The following GPC5 variants were observed in gnomAD, a reference collection of about 807,000 sequenced individuals.
GPC5 encodes glypican 5.
A neutral mutation model predicts 53.9 loss-of-function variants in GPC5; 47 were observed. The observed-to-expected ratio is 0.87, with a 90% CI of 0.69 to 1.11. The LOEUF is 1.11. Ranked by LOEUF, GPC5 falls within the 50% of genes most tolerant of loss-of-function variation. GPC5 has a pLI of 0.00. For missense variants in GPC5, 748 were observed against 713.1 expected, an observed-to-expected ratio of 1.05 and a Z score of -0.56; for synonymous variants, 286 against 263.3, an observed-to-expected ratio of 1.09 and a Z score of -0.84.
At chr13:92,369,519 A>G (rs1438684832) in intron 7 of GPC5, among the ~76,000 whole-genome samples, 1 of 152,198 alleles carries the variant, frequency 6.6e-6, no homozygotes, top group Non-Finnish European at 1.5e-5. Flanking sequence ...TCTCTTTGGT[A>G]TTAAATATAG....
At chr13:91,677,381 C>A (rs2035408224) in intron 2 of GPC5, among the ~76,000 whole-genome samples, 1 of 152,044 alleles carries the variant, frequency 6.6e-6, no homozygotes, top group Admixed American at 6.5e-5. Flanking sequence ...GATTTTAACT[C>A]CAGTTTTATG....
Position 91,562,593 on chromosome 13 carries a change from A to G in GPC5, c.325+113671A>G, listed in dbSNP as rs1231069453. Among the ~76,000 whole-genome samples the G allele has an allele frequency of 2.7e-5, 4 of 149,980 alleles. No homozygotes were observed. The East Asian group carries it at 7.8e-4, about 29-fold the overall frequency. On this transcript the variant is annotated intron_variant, in intron 2 of 7. Transcript: ENST00000377067. ...CTCAGTCTCCTGAGTAGCTGGGATT[A>G]CAGGCATGCGCCATGATGCCTGGCT...
chr13:92,301,189 T>C (rs1051361811), intron 7 of GPC5, among the ~76,000 whole-genome samples: 5 of 152,174 alleles, frequency 3.3e-5, no homozygotes, highest in African/African-American at 1.2e-4. Context: ...AGATATCAAG[T>C]TGGGTATTTA....
intron 6 of GPC5, among the ~76,000 whole-genome samples, chr13:92,113,287 A>C (rs949106139): frequency 1.3e-5 from 2 of 152,134 alleles, no homozygotes; most frequent in African/African-American, 2.4e-5. Context: ...ATCTACCATC[A>C]AGGTTTGCTC....
At chr13:91,880,356 T>C (rs2039250708) in intron 5 of GPC5, among the ~76,000 whole-genome samples, 1 of 152,122 alleles carries the variant, frequency 6.6e-6, no homozygotes, top group Non-Finnish European at 1.5e-5. Context: ...TTTTCCGTAT[T>C]ATGGGCTATT....
intron 5 of GPC5, among the ~76,000 whole-genome samples, chr13:91,901,080 G>A (rs2039493113): frequency 6.6e-6 from 1 of 151,804 alleles, no homozygotes; most frequent in Non-Finnish European, 1.5e-5. Flanking sequence ...TACAAAGCAT[G>A]ATAATATCTT....
chr13:92,660,184 T>C (rs534326420), intron 7 of GPC5, among the ~76,000 whole-genome samples: 111 of 152,310 alleles, frequency 7.3e-4, no homozygotes, highest in Admixed American at 1.3e-3. Context: ...ATTTTACCTA[T>C]AGTACATTTT....
rs143327655 is a variant in GPC5, at chr13:92,692,902, A to T, written c.1562-173380A>T. On this transcript the variant is annotated intron_variant, in intron 7 of 7. Coordinates refer to ENST00000377067, the MANE Select transcript of GPC5 (RefSeq NM_004466.6). ...GGCTCTGCGTCCCCACCCAAATCTCATCTCAAATTGTAATACCCAGGTATT... is the reference window on the plus strand; with the variant it reads ...GGCTCTGCGTCCCCACCCAAATCTCTTCTCAAATTGTAATACCCAGGTATT... Among the ~76,000 whole-genome samples the T allele has an allele frequency of 6.5e-3, 980 of 151,824 alleles. 10 individuals carry two copies. The highest frequency in any genetic ancestry group is 0.023 in the African/African-American group (938 of 41,368).
At chr13:92,081,437 G>T (rs1190898182) in intron 6 of GPC5, among the ~76,000 whole-genome samples, 1 of 152,184 alleles carries the variant, frequency 6.6e-6, no homozygotes, top group East Asian at 1.9e-4. Context: ...CATAGCAAAG[G>T]CTAAGACATA....
At chr13:92,777,416 C>A (rs765487735) in intron 7 of GPC5, among the ~76,000 whole-genome samples, 2 of 151,112 alleles carry the variant, frequency 1.3e-5, no homozygotes, top group African/African-American at 4.9e-5. Context: ...AGGCAGATCA[C>A]GAGGTCAAGA....
At chr13:92,011,641 G>T (rs779959015) in intron 6 of GPC5, among the ~76,000 whole-genome samples, 2 of 152,094 alleles carry the variant, frequency 1.3e-5, no homozygotes, top group Non-Finnish European at 2.9e-5. Flanking sequence ...TATTACAGTG[G>T]AATTAGAAAA....
intron 7 of GPC5, among the ~76,000 whole-genome samples, chr13:92,781,918 A>G (rs73625626): frequency 9.0e-4 from 137 of 152,326 alleles, no homozygotes; most frequent in Middle Eastern, 3.4e-3. Context: ...AATTGCCAAA[A>G]TAATTATCAA....
intron 7 of GPC5, among the ~76,000 whole-genome samples, chr13:92,698,308 C>T (rs1400270830): frequency 6.6e-6 from 1 of 151,926 alleles, no homozygotes; most frequent in Non-Finnish European, 1.5e-5. Flanking sequence ...TAATGCTATC[C>T]CGCCCCTCTC....
At chr13:91,745,890 C>A (rs751185904) in intron 4 of GPC5, among the ~76,000 whole-genome samples, 3 of 152,116 alleles carry the variant, frequency 2.0e-5, no homozygotes, top group African/African-American at 4.8e-5. Context: ...ATTCTCCATC[C>A]GACTATACAA....
intron 7 of GPC5, among the ~76,000 whole-genome samples, chr13:92,561,925 T>C (rs1389471440): frequency 6.6e-6 from 1 of 152,042 alleles, no homozygotes; most frequent in Non-Finnish European, 1.5e-5. Context: ...TTGACTGTTG[T>C]GACCGAAGAG....
At chr13:92,597,879 A>T (rs1883930828) in intron 7 of GPC5, among the ~76,000 whole-genome samples, 1 of 152,138 alleles carries the variant, frequency 6.6e-6, no homozygotes, top group Non-Finnish European at 1.5e-5. Context: ...TCATCCACTT[A>T]TTTTCTTGCA....
chr13:92,018,669 C>T (rs187328480), intron 6 of GPC5, among the ~76,000 whole-genome samples: 9 of 152,086 alleles, frequency 5.9e-5, no homozygotes, highest in East Asian at 1.9e-4. Flanking sequence ...ATTAAAAATA[C>T]GTAACTAGAA....
intron 7 of GPC5, among the ~76,000 whole-genome samples, chr13:92,414,375 C>A (rs1158842015): frequency 6.6e-6 from 1 of 151,884 alleles, no homozygotes; most frequent in South Asian, 2.1e-4. Context: ...CGTGGTAGTG[C>A]ATGCCTGTAA....
intron 7 of GPC5, among the ~76,000 whole-genome samples, chr13:92,249,848 T>C (rs2042679731): frequency 6.6e-6 from 1 of 152,112 alleles, no homozygotes; most frequent in African/African-American, 2.4e-5. Flanking sequence ...TAGTGGAAAC[T>C]TTGCATAGTG....
Sources: gnomAD v4.1 joint callset for allele counts (sites outside exome capture counted in the v4.1 genomes callset) on GRCh38, gnomAD v4.1.1 for gene constraint, MANE v1.5 for transcripts, NCBI Gene and HGNC (gene_info 2026-07-23, HGNC 2026-07-21) for gene names.